The following COBL variants were observed in gnomAD, a reference collection of about 807,000 sequenced individuals.
COBL encodes protein cordon-bleu.
COBL carries 51 observed loss-of-function variants against 98.8 expected under a neutral mutation model. That is an observed-to-expected ratio of 0.52 (90% CI 0.41 to 0.65). COBL has a LOEUF of 0.65. Ranked by LOEUF, COBL falls within the 30% of genes least tolerant of loss-of-function variation. The pLI is 0.00. For missense variants in COBL, 1,617 were observed against 1,617.5 expected (o/e 1.00, Z 0.01); for synonymous variants, 634 against 651.7 (o/e 0.97, Z 0.41).
intron 4 of COBL, among the ~76,000 whole-genome samples, chr7:51,186,409 C>A (rs1038049814): frequency 6.6e-6 from 1 of 152,162 alleles, no homozygotes. Context: ...ATCATAGTAT[C>A]CTACTGATAA....
chr7:51,078,580 C>T (rs1793313378), intron 7 of COBL, among the ~76,000 whole-genome samples: 1 of 152,232 alleles, frequency 6.6e-6, no homozygotes, highest in Admixed American at 6.5e-5. Context: ...TTATCTATTG[C>T]TGCAGAACAA....
intron 6 of COBL, among the ~76,000 whole-genome samples, chr7:51,128,804 C>T (rs1026190312): frequency 6.6e-6 from 1 of 152,240 alleles, no homozygotes; most frequent in Non-Finnish European, 1.5e-5. Flanking sequence ...AGGTGCCTCC[C>T]TGGCCATTCC....
chr7:51,072,641 TG>T (rs1367903881), intron 7 of COBL: 1 of 152,222 alleles, frequency 6.6e-6, no homozygotes, highest in East Asian at 1.9e-4. Context: ...ACTATGTCAC[TG>T]TTTAGTGAAT....
intron 1 of COBL, among the ~76,000 whole-genome samples, chr7:51,296,108 CAT>C (rs1239318975): frequency 6.6e-6 from 1 of 152,202 alleles, no homozygotes; most frequent in African/African-American, 2.4e-5. Context: ...GCACTTTGCA[CAT>C]ATCTCTATGA....
intron 6 of COBL, among the ~76,000 whole-genome samples, chr7:51,088,576 T>C (rs1021539303): frequency 8.5e-5 from 13 of 152,214 alleles, no homozygotes; most frequent in African/African-American, 3.1e-4. Context: ...TCTTCAGCCA[T>C]ATGCATCGCA....
chr7:51,215,530 G>A (rs1245463060), intron 2 of COBL, among the ~76,000 whole-genome samples: 1 of 152,192 alleles, frequency 6.6e-6, no homozygotes, highest in African/African-American at 2.4e-5. Flanking sequence ...TTCTAGCTCA[G>A]GTTACCAAAG....
intron 5 of COBL, among the ~76,000 whole-genome samples, chr7:51,175,465 C>T (rs150878427): frequency 2.2e-4 from 33 of 152,302 alleles, no homozygotes; most frequent in African/African-American, 7.7e-4. Context: ...AGATGTAAAT[C>T]TTACCATGTC....
At chr7:51,159,376 C>T (rs143258038) in intron 5 of COBL, among the ~76,000 whole-genome samples, 157 of 152,246 alleles carry the variant, frequency 1.0e-3, no homozygotes, top group Non-Finnish European at 1.4e-3. Flanking sequence ...GCAAAGAGGA[C>T]CCCAGGGTTC....
intron 1 of COBL, among the ~76,000 whole-genome samples, chr7:51,243,600 G>T (rs1042117678): frequency 6.6e-6 from 1 of 151,996 alleles, no homozygotes; most frequent in African/African-American, 2.4e-5. Context: ...AACATAGCAA[G>T]CTGGGTGGAG....
intron 5 of COBL, among the ~76,000 whole-genome samples, chr7:51,174,403 T>C (rs546333706): frequency 6.6e-6 from 1 of 151,900 alleles, no homozygotes; most frequent in South Asian, 2.1e-4. Flanking sequence ...CAATAACAAA[T>C]TATCCAATAA....
intron 5 of COBL, among the ~76,000 whole-genome samples, chr7:51,178,180 C>CTA (rs557877738): frequency 5.6e-4 from 83 of 148,796 alleles, no homozygotes; most frequent in Admixed American, 1.0e-3. Context: ...CTCTCTCTCT[C>CTA]TATATATATA....
chr7:51,285,712 T>C (rs935162662), intron 1 of COBL, among the ~76,000 whole-genome samples: 2 of 152,226 alleles, frequency 1.3e-5, no homozygotes, highest in East Asian at 1.9e-4. Flanking sequence ...ATTCTCAGCA[T>C]GGCTGTTTTT....
intron 4 of COBL, among the ~76,000 whole-genome samples, chr7:51,186,179 A>G (rs113144183): frequency 0.011 from 1,700 of 152,366 alleles, 27 homozygotes; most frequent in Non-Finnish European, 0.012. Flanking sequence ...TTTAATATGT[A>G]TGTTTATAAC....
At chr7:51,103,275 CTTA>C (rs1182510585) in intron 6 of COBL, among the ~76,000 whole-genome samples, 2 of 151,988 alleles carry the variant, frequency 1.3e-5, no homozygotes, top group Non-Finnish European at 2.9e-5. Flanking sequence ...ATGTTTAATG[CTTA>C]TTATTTATGT....
intron 1 of COBL, among the ~76,000 whole-genome samples, chr7:51,252,626 T>C (rs984740609): frequency 6.6e-6 from 1 of 152,196 alleles, no homozygotes; most frequent in Non-Finnish European, 1.5e-5. Flanking sequence ...TAAAAGCTTT[T>C]TGGGGCAAGA....
chr7:51,046,917 C>T (rs954203184), intron 7 of COBL, among the ~76,000 whole-genome samples: 14 of 152,186 alleles, frequency 9.2e-5, no homozygotes, highest in Middle Eastern at 3.2e-3. Context: ...CTGACGGGCT[C>T]TAAAATCCCT....
At chr7:51,252,459 T>C (rs1009413043) in intron 1 of COBL, among the ~76,000 whole-genome samples, 1 of 152,164 alleles carries the variant, frequency 6.6e-6, no homozygotes, top group African/African-American at 2.4e-5. Flanking sequence ...GTTCTGGACA[T>C]TTCACATAAG....
intron 7 of COBL, among the ~76,000 whole-genome samples, chr7:51,059,724 T>C (rs1791133938): frequency 6.6e-6 from 1 of 152,152 alleles, no homozygotes; most frequent in African/African-American, 2.4e-5. Context: ...GTGAGGGCAC[T>C]GTCTCCCAGC....
chr7:51,219,920 G>A lies in COBL; in HGVS notation c.66C>T (p.Pro22=). ...GAGTGGCAGCCTTTCCAGGAGGTGG[G>A]GGAGCACGAGCCTTCATCTTCCTCC... is the stretch of plus-strand genomic sequence containing the variant. ...PTGRKMKARA[P]PPPGKAATLH... The change falls in exon 2 of 13, where the codon CCC becomes CCT. Residue 22 remains proline, a synonymous_variant. Transcript: ENST00000265136. 6.2e-7 allele frequency: 1 copy of A among 1,611,290 alleles called. No homozygotes were observed. The highest frequency in any genetic ancestry group is 1.1e-5 in the South Asian group (1 of 90,978).
Sources: allele counts gnomAD v4.1 joint callset (sites outside exome capture counted in the v4.1 genomes callset), GRCh38; gene constraint gnomAD v4.1.1; transcripts MANE v1.5; gene names NCBI Gene and HGNC (gene_info 2026-07-23, HGNC 2026-07-21).